Variants in FAM221A observed in about 807,000 individuals in gnomAD.
The protein encoded by FAM221A is family with sequence similarity 221 member A.
FAM221A carries 43 observed loss-of-function variants against 37.6 expected under a neutral mutation model. The observed-to-expected ratio is 1.15, with a 90% CI of 0.90 to 1.48. The LOEUF (loss-of-function observed/expected upper bound fraction) is 1.48. Ranked by LOEUF, FAM221A falls within the 40% of genes most tolerant of loss-of-function variation. FAM221A has a pLI of 0.00. For missense variants in FAM221A, 361 were observed against 361.5 expected, an observed-to-expected ratio of 1.00 and a Z score of 0.01; for synonymous variants, 135 against 132.9, an observed-to-expected ratio of 1.02 and a Z score of -0.11.
intron 1 of FAM221A, among the ~76,000 whole-genome samples, chr7:23,683,881 C>T (rs548346051): frequency 2.0e-5 from 3 of 152,036 alleles, no homozygotes; most frequent in Non-Finnish European, 4.4e-5. Flanking sequence ...ATCGCCAGAC[C>T]AATTCAAAAT....
chr7:23,701,503 T>G (rs1785456316), intron 6 of FAM221A, among the ~76,000 whole-genome samples: 1 of 152,144 alleles, frequency 6.6e-6, no homozygotes, highest in African/African-American at 2.4e-5. Flanking sequence ...CCTCGCAAAG[T>G]GCTGGGATTA....
At chr7:23,684,012 C>T (rs925511077) in intron 1 of FAM221A, among the ~76,000 whole-genome samples, 1 of 152,158 alleles carries the variant, frequency 6.6e-6, no homozygotes, top group Non-Finnish European at 1.5e-5. Context: ...TCTGGAGCCT[C>T]AGTAAATTTA....
chr7:23,686,281 TGAGA>T (rs1440565337), intron 2 of FAM221A: 1 of 436,380 alleles, frequency 2.3e-6, no homozygotes, highest in Non-Finnish European at 4.5e-6. Flanking sequence ...TTTTTTTTTT[TGAGA>T]CAGGGTCTTA....
rs551487874 is a variant in FAM221A at position 23,695,203 on chromosome 7, C to T, written c.638-2989C>T. Reference sequence around the variant, plus strand: ...TGTTGCTCAGGTTGGTGTCAAACTCCGAAGGTCAAGTAATCCTCCCACCTC... The same window carrying T: ...TGTTGCTCAGGTTGGTGTCAAACTCTGAAGGTCAAGTAATCCTCCCACCTC... On this transcript the variant is annotated intron_variant, in intron 4 of 6. Transcript: ENST00000344962. 8.6e-5 allele frequency among the ~76,000 whole-genome samples: 13 copies of T among 151,982 alleles called. No homozygotes were observed. In the South Asian group the frequency reaches 2.1e-3, roughly 24 times the overall value.
chr7:23,689,483 A>G, intron 3 of FAM221A, 24 bp downstream of exon 3: 1 of 1,487,680 alleles, frequency 6.7e-7, no homozygotes, highest in Non-Finnish European at 9.1e-7. Flanking sequence ...TTATAAACAC[A>G]TAAACTCAGA....
chr7:23,692,324 G>A (rs1298495783), intron 4 of FAM221A: 2 of 503,522 alleles, frequency 4.0e-6, no homozygotes, highest in Non-Finnish European at 5.1e-6. Flanking sequence ...ATAAATACAA[G>A]TGTATATTTT....
rs1181222154 is a variant in FAM221A at position 23,702,181 on chromosome 7, TA to T, written c.*21del. 1 of 1,509,508 alleles carries T rather than the reference TA, an allele frequency of 6.6e-7. No individual in the cohort carries two copies. Among genetic ancestry groups the T allele is most frequent in the African/African-American group, 1.4e-5 (1 of 71,778 alleles). The allele number at this position is 1,509,508 out of a possible 1,614,324, so 93.5% of individuals were successfully genotyped here. On this transcript the variant is annotated 3_prime_UTR_variant, in exon 7 of 7. Transcript: ENST00000344962. ...CCTTCATGAAGACTATTGGAGAAAT[TA>T]AAACCATCATCCAAGTATCTTTTTC...
intron 2 of FAM221A, chr7:23,686,592 T>G (rs11975157): frequency 0.03 from 6,488 of 212,950 alleles, 225 homozygotes; most frequent in African/African-American, 0.098. Context: ...GATGGAGAAG[T>G]TATTATATTT....
intron 2 of FAM221A, among the ~76,000 whole-genome samples, chr7:23,684,988 G>A (rs1414150082): frequency 1.3e-5 from 2 of 152,172 alleles, no homozygotes; most frequent in African/African-American, 2.4e-5. Context: ...AGTGGCTGAC[G>A]CCTGTAATTC....
chr7:23,697,048 C>G (rs961023392), intron 4 of FAM221A, among the ~76,000 whole-genome samples: 5 of 152,108 alleles, frequency 3.3e-5, no homozygotes, highest in African/African-American at 1.2e-4. Context: ...GGAGTCTGTA[C>G]TTATAGTCGG....
intron 4 of FAM221A, among the ~76,000 whole-genome samples, chr7:23,695,768 A>G (rs978480186): frequency 6.6e-6 from 1 of 152,136 alleles, no homozygotes; most frequent in African/African-American, 2.4e-5. Flanking sequence ...AAAGTGTTTC[A>G]TTGCTTTTGT....
At chr7:23,700,026 C>T (rs1785317911) in intron 5 of FAM221A, among the ~76,000 whole-genome samples, 1 of 152,144 alleles carries the variant, frequency 6.6e-6, no homozygotes, top group South Asian at 2.1e-4. Flanking sequence ...ATAAGAATCC[C>T]TTCTTACTCT....
chr7:23,695,159 T>A lies in FAM221A; in HGVS notation c.638-3033T>A, dbSNP rs574895892. 1.4e-4 allele frequency among the ~76,000 whole-genome samples: 22 copies of A among 152,258 alleles called. No homozygotes were observed. In the East Asian group the frequency reaches 2.3e-3, roughly 16 times the overall value. ...AATATTTTACATTTTATATTTTTTT[T>A]AGAGACAGAGTCTTACTATGTTGCT... On this transcript the variant is annotated intron_variant, in intron 4 of 6. Transcript: ENST00000344962.
rs1008709348 is a variant in FAM221A at position 23,702,408 on chromosome 7, C to T, written c.*244C>T. The T allele has an allele frequency of 3.7e-6, 1 of 268,280 alleles. No homozygotes were observed. Among genetic ancestry groups the T allele is most frequent in the Non-Finnish European group, 7.1e-6 (1 of 141,042 alleles). The allele number at this position is 268,280 out of a possible 1,614,324, so 16.6% of individuals were successfully genotyped here. A position where few individuals can be genotyped will look rare whatever the true frequency, so the allele number is the denominator to read the frequency against. On this transcript the variant is annotated 3_prime_UTR_variant, in exon 7 of 7. Coordinates refer to ENST00000344962, the MANE Select transcript of FAM221A (RefSeq NM_199136.5). ...ACAAATGAGGTTATTTTATATGAGT[C>T]TGTCTGAGAGTACAGTAAATGTTTT... is the stretch of plus-strand genomic sequence containing the variant.
At chr7:23,683,895 A>G (rs1211333151) in intron 1 of FAM221A, among the ~76,000 whole-genome samples, 1 of 152,214 alleles carries the variant, frequency 6.6e-6, no homozygotes, top group East Asian at 1.9e-4. Context: ...TCAAAATTAC[A>G]TATGTTTATA....
chr7:23,697,180 C>T (rs1445162076), intron 4 of FAM221A, among the ~76,000 whole-genome samples: 1 of 152,214 alleles, frequency 6.6e-6, no homozygotes, highest in Non-Finnish European at 1.5e-5. Flanking sequence ...GTGCGTGGGC[C>T]AGAGCCCCTT....
chr7:23,689,670 A>G (rs1438380941), intron 3 of FAM221A, among the ~76,000 whole-genome samples: 1 of 152,208 alleles, frequency 6.6e-6, no homozygotes, highest in Admixed American at 6.5e-5. Context: ...CTCAGAGTTA[A>G]TGGTATGCTT....
In FAM221A at chr7:23,692,048, C is replaced by T. The variant is rs10228959; in HGVS notation, c.637+452C>T. On this transcript the variant is annotated intron_variant, in intron 4 of 6. Transcript: ENST00000344962. ...ATGTTCATGTGTGTATATGAACATA[C>T]GTGTATATACATGTAATCACTTCTG... 5.6e-3 allele frequency: 1,331 copies of T among 237,196 alleles called. 7 individuals carry two copies. The highest frequency in any genetic ancestry group is 0.014 in the Middle Eastern group (6 of 432). 14.7% of individuals were successfully genotyped at this position (237,196 alleles called of 1,614,324 possible). A position where few individuals can be genotyped will look rare whatever the true frequency, so the allele number is the denominator to read the frequency against.
chr7:23,700,427 A>G (rs1584291016), intron 5 of FAM221A, among the ~76,000 whole-genome samples: 1 of 152,252 alleles, frequency 6.6e-6, no homozygotes, highest in African/African-American at 2.4e-5. Context: ...GGTTGCCTAT[A>G]CCAAGCCTCA....
Sources: allele counts gnomAD v4.1 joint callset (sites outside exome capture counted in the v4.1 genomes callset), GRCh38; gene constraint gnomAD v4.1.1; transcripts MANE v1.5; gene names NCBI Gene and HGNC (gene_info 2026-07-23, HGNC 2026-07-21).